The following USP24 variants were observed in gnomAD, a reference collection of about 807,000 sequenced individuals.
USP24 encodes ubiquitin specific peptidase 24.
A neutral mutation model predicts 361.6 loss-of-function variants in USP24; 97 were observed. The observed-to-expected ratio is 0.27, with a 90% CI of 0.23 to 0.32. The LOEUF is 0.32. USP24 is among the 10% of genes least tolerant of loss of function. The pLI is 1.00. For missense variants in USP24, 2,353 were observed against 3,165.6 expected (o/e 0.74, Z 6.16); for synonymous variants, 1,098 against 1,124.6 (o/e 0.98, Z 0.47).
At position 55,167,516 on chromosome 1, in the gene USP24, C is replaced by T. The variant is rs60591784; in HGVS notation, c.826-913G>A. 3.4e-3 allele frequency among the ~76,000 whole-genome samples: 523 copies of T among 152,136 alleles called. 3 individuals carry two copies. The highest frequency in any genetic ancestry group is 0.012 in the African/African-American group (494 of 41,492). On this transcript the variant is annotated intron_variant, in intron 5 of 67. Coordinates refer to ENST00000294383, the MANE Select transcript of USP24 (RefSeq NM_015306.3). Reference sequence around the variant, plus strand: ...ATAATTAGAAAGAAAGCAACAGAAGCGTTTTCAGGAAGAGAGTGTTTTATA... The same window carrying T: ...ATAATTAGAAAGAAAGCAACAGAAGTGTTTTCAGGAAGAGAGTGTTTTATA...
rs2100616380 is a variant in USP24, at chr1:55,125,567, G to A, written c.3732-19C>T. 1.2e-6 allele frequency: 2 copies of A among 1,602,044 alleles called. No individual in the cohort carries two copies. Among genetic ancestry groups the A allele is most frequent in the Non-Finnish European group, 1.7e-6 (2 of 1,172,730 alleles). On this transcript the variant is annotated intron_variant, in intron 33 of 67. Coordinates refer to ENST00000294383, the MANE Select transcript of USP24 (RefSeq NM_015306.3). The stretch of plus-strand genomic sequence containing the variant: ...TAAAAATCTTAAAAAGAAACAGCTA[G>A]ACTTATTCTGAGTCCATTCATACTA...
rs1409111643 is a variant in USP24, at chr1:55,069,110, G to A, written c.7801-3C>T. 2 of 1,613,782 alleles carry A rather than the reference G, an allele frequency of 1.2e-6. No homozygotes were observed. Among genetic ancestry groups the A allele is most frequent in the Non-Finnish European group, 1.7e-6 (2 of 1,179,874 alleles). On this transcript the variant is annotated splice_polypyrimidine_tract_variant and splice_region_variant and intron_variant, in intron 67 of 67. Transcript: ENST00000294383. ...ATCATCATGGGAGATTCTGAACCCT[G>A]CAGAAAAGAAAAGGAAGTTAAAGTT... is the stretch of plus-strand genomic sequence containing the variant.
Position 55,120,767 on chromosome 1 carries a change from A to G in USP24, c.4348-11T>C, listed in dbSNP as rs1646257144. On this transcript the variant is annotated splice_polypyrimidine_tract_variant and intron_variant, in intron 37 of 67. Transcript: ENST00000294383. ...GGCAACCCGGCGAATCTGAAATTAC[A>G]TGATCAGCAGCAAAGGACAGACATG... The G allele has an allele frequency of 1.9e-6, 3 of 1,555,404 alleles. No individual in the cohort carries two copies. Among genetic ancestry groups the G allele is most frequent in the Non-Finnish European group, 2.6e-6 (3 of 1,149,420 alleles).
chr1:55,134,689 G>C (rs1646685414), intron 28 of USP24, among the ~76,000 whole-genome samples: 1 of 152,228 alleles, frequency 6.6e-6, no homozygotes, highest in African/African-American at 2.4e-5. Context: ...CAGTAGAAGA[G>C]AGGTAAAGCA....
intron 47 of USP24, 86 bp from the exon 48 acceptor site, chr1:55,097,803 T>G: frequency 1.3e-6 from 2 of 1,497,256 alleles, no homozygotes; most frequent in Non-Finnish European, 1.8e-6. Context: ...GCAAAGGCCT[T>G]TCTGATCCAT....
chr1:55,179,987 T>C (rs914479851), intron 1 of USP24, among the ~76,000 whole-genome samples: 3 of 152,164 alleles, frequency 2.0e-5, no homozygotes, highest in Non-Finnish European at 2.9e-5. Flanking sequence ...GCCTAAATCA[T>C]GTTTAAAATA....
intron 21 of USP24, among the ~76,000 whole-genome samples, chr1:55,143,433 G>A (rs559497307): frequency 6.6e-6 from 1 of 152,246 alleles, no homozygotes; most frequent in Non-Finnish European, 1.5e-5. Context: ...GGAGTGAGAT[G>A]GGCACCATCT....
intron 1 of USP24, among the ~76,000 whole-genome samples, chr1:55,183,343 C>A (rs1458974274): frequency 1.3e-5 from 2 of 152,112 alleles, no homozygotes; most frequent in African/African-American, 4.8e-5. Flanking sequence ...ACATTTTATA[C>A]ACACATGCAC....
At chr1:55,186,011 C>A (rs984994521) in intron 1 of USP24, among the ~76,000 whole-genome samples, 4 of 152,102 alleles carry the variant, frequency 2.6e-5, no homozygotes, top group Non-Finnish European at 4.4e-5. Flanking sequence ...CAAGAAGAAA[C>A]AGAAAATCTG....
chr1:55,114,673 G>A (rs969240186), intron 38 of USP24, among the ~76,000 whole-genome samples: 3 of 152,066 alleles, frequency 2.0e-5, no homozygotes, highest in Non-Finnish European at 4.4e-5. Flanking sequence ...AATGTTTTTG[G>A]GAAAACTGTC....
intron 38 of USP24, among the ~76,000 whole-genome samples, chr1:55,118,924 C>T (rs1243072692): frequency 1.3e-5 from 2 of 152,158 alleles, no homozygotes; most frequent in South Asian, 2.1e-4. Context: ...AAACAACAAG[C>T]GTTGGCTAAG....
intron 1 of USP24, among the ~76,000 whole-genome samples, chr1:55,213,966 C>T (rs1169643670): frequency 1.3e-5 from 2 of 152,022 alleles, no homozygotes; most frequent in Non-Finnish European, 2.9e-5. Flanking sequence ...CTAATTTTCT[C>T]TCATTTCTGA....
intron 1 of USP24, among the ~76,000 whole-genome samples, 182 bp downstream of exon 1, chr1:55,214,608 C>T (rs1160768473): frequency 6.6e-6 from 1 of 152,126 alleles, no homozygotes; most frequent in Non-Finnish European, 1.5e-5. Context: ...CCACTTACCC[C>T]CAATCAAGTG....
chr1:55,164,833 G>A (rs982826629), intron 7 of USP24, among the ~76,000 whole-genome samples: 2 of 151,676 alleles, frequency 1.3e-5, no homozygotes, highest in African/African-American at 4.8e-5. Context: ...GATCTGAAGA[G>A]GTTTTTCTTT....
At chr1:55,113,454 CA>C in intron 38 of USP24, among the ~76,000 whole-genome samples, 1 of 152,164 alleles carries the variant, frequency 6.6e-6, no homozygotes, top group Non-Finnish European at 1.5e-5. Flanking sequence ...ACCAGAGGTA[CA>C]AAGAGGAGCT....
intron 24 of USP24, 74 bp downstream of exon 24, chr1:55,141,542 C>T (rs79911046): frequency 7.7e-7 from 1 of 1,304,302 alleles, no homozygotes; most frequent in Non-Finnish European, 1.1e-6. Flanking sequence ...ACTGAGAAAC[C>T]TACATAAAAA....
At chr1:55,152,833 T>C (rs111886925) in intron 16 of USP24, among the ~76,000 whole-genome samples, 51 of 152,268 alleles carry the variant, frequency 3.3e-4, no homozygotes, top group African/African-American at 1.2e-3. Flanking sequence ...AGTTCTTCAA[T>C]GCCCCCAACT....
At chr1:55,196,831 C>G (rs1644432421) in intron 1 of USP24, among the ~76,000 whole-genome samples, 1 of 152,218 alleles carries the variant, frequency 6.6e-6, no homozygotes, top group Non-Finnish European at 1.5e-5. Context: ...GAGCTGACCT[C>G]TGCCCGTTGA....
At chr1:55,075,557 A>G (rs1645007364) in intron 62 of USP24, 34 bp from the exon 63 acceptor site, 1 of 1,542,296 alleles carries the variant, frequency 6.5e-7, no homozygotes. Flanking sequence ...TAGTAAATAA[A>G]AGAAGGAACT....
Sources: gnomAD v4.1 joint callset for allele counts (sites outside exome capture counted in the v4.1 genomes callset) on GRCh38, gnomAD v4.1.1 for gene constraint, MANE v1.5 for transcripts, NCBI Gene and HGNC (gene_info 2026-07-23, HGNC 2026-07-21) for gene names.